MFSD1: variants seen among roughly 807,000 people sequenced by gnomAD.
MFSD1 encodes lysosomal dipeptide transporter MFSD1.
Under a neutral mutation model 67.1 loss-of-function variants are expected in MFSD1, and 59 were observed. The observed-to-expected ratio is 0.88, with a 90% CI of 0.71 to 1.09. The LOEUF is 1.09. Among genes scored for constraint, MFSD1 ranks in the 50% least tolerant of loss-of-function variants. The probability of loss-of-function intolerance (pLI) is 0.00; values close to 1 mark genes in which losing one functional copy is unlikely to be tolerated. For synonymous variants in MFSD1, 213 were observed against 200.3 expected, an observed-to-expected ratio of 1.06 and a Z score of -0.54; for missense variants, 552 against 566.1, an observed-to-expected ratio of 0.97 and a Z score of 0.25.
intron 15 of MFSD1, 46 bp downstream of exon 15, chr3:158,827,383 A>C (rs777215548): frequency 4.4e-5 from 49 of 1,108,886 alleles, no homozygotes; most frequent in Non-Finnish European, 6.0e-5. Flanking sequence ...TTGAAATCTT[A>C]AATATGAGCA....
rs776986735 is a variant in MFSD1, at chr3:158,821,988, G to T, written c.925G>T (p.Val309Leu). Residue 309 changes from valine to leucine, a missense_variant, in exon 11 of 16, where the codon GTA becomes TTA. Physicochemically the swap from Val to Leu is conservative, Grantham distance 32. Transcript: ENST00000415822. ...TCTTATGTGTTCTCTGGGCAGTGTT[G>T]TATATGTCATATCAGCTCCCATGTC... The part of the protein sequence containing the change: ...SQAASAINSV[V>L]YVISAPMSPV... The T allele has an allele frequency of 6.2e-7, 1 of 1,613,288 alleles. No homozygotes were observed. Among genetic ancestry groups the T allele is most frequent in the African/African-American group, 1.3e-5 (1 of 74,900 alleles).
chr3:158,813,861 C>A, intron 6 of MFSD1, 104 bp from the exon 7 acceptor site: 2 of 553,696 alleles, frequency 3.6e-6, no homozygotes, highest in Non-Finnish European at 5.8e-6. Flanking sequence ...ACCTCCTGTT[C>A]AATTTGGATC....
At chr3:158,809,006 C>T (rs1729865336) in intron 5 of MFSD1, 173 bp from the exon 6 acceptor site, 3 of 496,792 alleles carry the variant, frequency 6.0e-6, no homozygotes, top group East Asian at 3.1e-5. Flanking sequence ...GTCTCATTTC[C>T]ACCATATTCT....
intron 7 of MFSD1, among the ~76,000 whole-genome samples, chr3:158,815,829 G>C (rs1262858212): frequency 1.4e-5 from 2 of 139,400 alleles, no homozygotes; most frequent in Non-Finnish European, 3.0e-5. Context: ...ACAGTCCCCA[G>C]AGTGTGATGT....
chr3:158,818,568 A>T (rs920412161), intron 7 of MFSD1, among the ~76,000 whole-genome samples: 3 of 151,758 alleles, frequency 2.0e-5, no homozygotes, highest in Non-Finnish European at 4.4e-5. Flanking sequence ...CTATAAGATC[A>T]GGTTTTTAAA....
intron 3 of MFSD1, among the ~76,000 whole-genome samples, chr3:158,806,126 A>C (rs893664704): frequency 3.3e-5 from 5 of 152,256 alleles, no homozygotes; most frequent in African/African-American, 1.2e-4. Context: ...AGATGATGAA[A>C]GGTCTTCAAA....
rs1208256340 is a variant in MFSD1 at position 158,821,877 on chromosome 3, T to C, written c.921-107T>C. 6 of 1,234,002 alleles carry C rather than the reference T, an allele frequency of 4.9e-6. No individual in the cohort carries two copies. In the African/African-American group the frequency reaches 7.5e-5, roughly 15 times the overall value. 76.4% of individuals were successfully genotyped at this position (1,234,002 alleles called of 1,614,324 possible). A position where few individuals can be genotyped will look rare whatever the true frequency, so the allele number is the denominator to read the frequency against. On this transcript the variant is annotated intron_variant, in intron 10 of 15. Transcript: ENST00000415822. ...TTTTTTGATGAGCATTTTATAAGAA[T>C]GTTAAATGAGTTAGGATTTGCTTTG...
chr3:158,807,462 G>T lies in MFSD1; in HGVS notation c.439G>T (p.Gly147Trp), dbSNP rs1729786707. 2 of 1,608,332 alleles carry T rather than the reference G, an allele frequency of 1.2e-6. No individual in the cohort carries two copies. Among genetic ancestry groups the T allele is most frequent in the South Asian group, 1.1e-5 (1 of 90,918 alleles). The change falls in exon 5 of 16, where the codon GGG (glycine) becomes TGG (tryptophan). Residue 147 changes from glycine (G) to tryptophan (W), a missense_variant and splice_region_variant. Physicochemically the swap from Gly to Trp is radical, Grantham distance 184 (BLOSUM62 -2). Coordinates refer to ENST00000415822, the MANE Select transcript of MFSD1 (RefSeq NM_022736.4). The stretch of plus-strand genomic sequence containing the variant: ...GATGGAATTTGGAAGATTTGTATTT[G>T]GGTAAGTTATGCATAATTTAATTTA... ...WLMEFGRFVF[G>W]IGGESLAVAQ...
intron 12 of MFSD1, 22 bp downstream of exon 12, chr3:158,823,547 C>A: frequency 6.9e-7 from 1 of 1,451,036 alleles, no homozygotes; most frequent in Non-Finnish European, 9.7e-7. Context: ...CGCTGTGGAT[C>A]GTATATGTCT....
intron 7 of MFSD1, 137 bp downstream of exon 7, chr3:158,814,204 T>C (rs1730193038): frequency 1.8e-6 from 1 of 566,754 alleles, no homozygotes. Context: ...ATGAACTCTT[T>C]GACACAACTA....
Position 158,814,032 on chromosome 3 carries a change from C to CT in MFSD1, c.618dup (p.Gly207TrpfsTer39). 1 of 1,613,672 alleles carries CT rather than the reference C, an allele frequency of 6.2e-7. No individual in the cohort carries two copies. Among genetic ancestry groups the CT allele is most frequent in the Non-Finnish European group, 8.5e-7 (1 of 1,179,808 alleles). On this transcript the variant is annotated frameshift_variant, in exon 7 of 16. Coordinates refer to ENST00000415822, the MANE Select transcript of MFSD1 (RefSeq NM_022736.4). LOFTEE classifies it high-confidence loss of function. ...AAGATTGAAGCTTTGTTAGGTTCTG[C>CT]TGGTCACACAACCCTCGGGATCACA...
chr3:158,806,810 C>G (rs945480076), intron 3 of MFSD1, among the ~76,000 whole-genome samples: 1 of 152,080 alleles, frequency 6.6e-6, no homozygotes, highest in Non-Finnish European at 1.5e-5. Context: ...CCGGAATCCC[C>G]TTAGAAGTCT....
chr3:158,827,386 T>C, intron 15 of MFSD1, 49 bp downstream of exon 15: 1 of 1,085,644 alleles, frequency 9.2e-7, no homozygotes, highest in South Asian at 1.6e-5. Context: ...AAATCTTAAA[T>C]ATGAGCATTT....
At position 158,806,916 on chromosome 3, in the gene MFSD1, G is replaced by A. The variant is rs575038345; in HGVS notation, c.330-124G>A. The A allele has an allele frequency of 2.0e-4, 147 of 738,680 alleles. No individual in the cohort carries two copies. The South Asian group carries it at 2.9e-3, about 15-fold the overall frequency. The allele number at this position is 738,680 out of a possible 1,614,324, so 45.8% of individuals were successfully genotyped here. On this transcript the variant is annotated intron_variant, in intron 3 of 15. Coordinates refer to ENST00000415822, the MANE Select transcript of MFSD1 (RefSeq NM_022736.4). Reference sequence around the variant, plus strand: ...TTCTTTGGAGGGAATACAGAGGGAGGCAAAGAAAACCAAAGTGAATTATTA... The same window carrying A: ...TTCTTTGGAGGGAATACAGAGGGAGACAAAGAAAACCAAAGTGAATTATTA...
Position 158,802,318 on chromosome 3 carries a change from G to A in MFSD1, c.163+3G>A, listed in dbSNP as rs1729496030. 6.2e-7 allele frequency: 1 copy of A among 1,608,408 alleles called. No homozygotes were observed. The highest frequency in any genetic ancestry group is 8.5e-7 in the Non-Finnish European group (1 of 1,176,514). On this transcript the variant is annotated splice_donor_region_variant and intron_variant, in intron 1 of 15. Transcript: ENST00000415822. ...ACTGATGTGCTTCCTTGGCTTTGGTGAGCCGGCCGGGTGGGTTGGGGCTGA... is the reference window on the plus strand; with the variant it reads ...ACTGATGTGCTTCCTTGGCTTTGGTAAGCCGGCCGGGTGGGTTGGGGCTGA...
intron 7 of MFSD1, among the ~76,000 whole-genome samples, chr3:158,816,390 T>A (rs1730346883): frequency 6.6e-6 from 1 of 152,022 alleles, no homozygotes; most frequent in African/African-American, 2.4e-5. Context: ...TGATTTGCAT[T>A]TCTCTGATGG....
At chr3:158,805,498 G>T (rs771029886) in intron 3 of MFSD1, 24 bp downstream of exon 3, 1 of 1,504,436 alleles carries the variant, frequency 6.6e-7, no homozygotes. Context: ...GAAACTATGG[G>T]TAAATCTTAC....
At chr3:158,823,322 A>AAC in intron 11 of MFSD1, 106 bp from the exon 12 acceptor site, 1 of 796,120 alleles carries the variant, frequency 1.3e-6, no homozygotes, top group Non-Finnish European at 2.2e-6. Context: ...AATTTGCTTG[A>AAC]ATATATATAT....
intron 13 of MFSD1, 129 bp from the exon 14 acceptor site, chr3:158,825,886 A>G: frequency 1.4e-6 from 1 of 714,602 alleles, no homozygotes; most frequent in Admixed American, 2.2e-5. Flanking sequence ...AATGGGAATA[A>G]TATTTTTATT....
Sources: allele counts gnomAD v4.1 joint callset (sites outside exome capture counted in the v4.1 genomes callset), GRCh38; gene constraint gnomAD v4.1.1; transcripts MANE v1.5; gene names NCBI Gene and HGNC (gene_info 2026-07-23, HGNC 2026-07-21).